The following CELF2 variants were observed in gnomAD, a reference collection of about 807,000 sequenced individuals.
The protein encoded by CELF2 is CUG triplet repeat RNA-binding protein 2.
In CELF2, 8 loss-of-function variants were observed where a neutral mutation model predicts 62.6. The observed-to-expected ratio is 0.13, with a 90% confidence interval of 0.07 to 0.23. The LOEUF is 0.23. Ranked by LOEUF, CELF2 falls within the 10% of genes least tolerant of loss-of-function variation. CELF2 has a pLI of 1.00. For missense variants in CELF2, 333 were observed against 671.0 expected (o/e 0.50, Z 5.56); for synonymous variants, 258 against 250.0 (o/e 1.03, Z -0.30).
Position 11,335,276 on chromosome 10 carries a change from A to C in CELF2, c.*6223A>C, listed in dbSNP as rs1050692268. Reference sequence around the variant, plus strand: ...TCTGCTCAGGAATCTGATTGCTCTTAAAGTGCTCTTACAAGATTCCGTCGA... The same window carrying C: ...TCTGCTCAGGAATCTGATTGCTCTTCAAGTGCTCTTACAAGATTCCGTCGA... On this transcript the variant is annotated 3_prime_UTR_variant, in exon 13 of 13. Transcript: ENST00000633077. The surrounding 1 kb of genome is among the most constrained non-coding windows in gnomAD (Gnocchi z 5.0). 1 of 152,324 alleles carries C rather than the reference A, an allele frequency of 6.6e-6. No individual in the cohort carries two copies. The highest frequency in any genetic ancestry group is 1.5e-5 in the Non-Finnish European group (1 of 68,096). The allele number at this position is 152,324 out of a possible 1,614,324, so 9.4% of individuals were successfully genotyped here.
chr10:11,049,731 G>A (rs1594052179), intron 1 of CELF2, among the ~76,000 whole-genome samples: 1 of 152,084 alleles, frequency 6.6e-6, no homozygotes, highest in Non-Finnish European at 1.5e-5. Flanking sequence ...CCTCCTTGTA[G>A]TGGTTATTTT....
intron 1 of CELF2, among the ~76,000 whole-genome samples, chr10:10,891,711 C>A (rs953128779): frequency 6.6e-6 from 1 of 152,188 alleles, no homozygotes; most frequent in Non-Finnish European, 1.5e-5. Context: ...GCTGCACGGG[C>A]AGACTGGATG....
chr10:10,739,266 C>A, the CELF2 span, among the ~76,000 whole-genome samples: 1 of 151,984 alleles, frequency 6.6e-6, no homozygotes, highest in Non-Finnish European at 1.5e-5. Flanking sequence ...GGTTTTTATG[C>A]TTATTTTATA....
At chr10:11,245,033 TCTC>T (rs2075193982) in intron 3 of CELF2, among the ~76,000 whole-genome samples, 1 of 152,184 alleles carries the variant, frequency 6.6e-6, no homozygotes, top group Non-Finnish European at 1.5e-5. Flanking sequence ...GAGAACCCCT[TCTC>T]ATCCTCCTCT....
chr10:10,603,639 A>T, the CELF2 span, among the ~76,000 whole-genome samples: 2 of 152,204 alleles, frequency 1.3e-5, no homozygotes, highest in African/African-American at 2.4e-5. Flanking sequence ...TAAAAAATTC[A>T]TTCTCTCTCT....
rs1309059796 is a variant in CELF2, at chr10:11,117,382, T to C, written c.75-48104T>C. Among the ~76,000 whole-genome samples, 2 of 152,182 alleles carry C rather than the reference T, an allele frequency of 1.3e-5. No homozygotes were observed. Among genetic ancestry groups the C allele is most frequent in the African/African-American group, 4.8e-5 (2 of 41,438 alleles). ...TCACAAAAGTCAAAATGTTTTGCCCTGTAGAAATTGGTTAGGTATCATTCG... is the reference window on the plus strand; with the variant it reads ...TCACAAAAGTCAAAATGTTTTGCCCCGTAGAAATTGGTTAGGTATCATTCG... On this transcript the variant is annotated intron_variant, in intron 1 of 12. Transcript: ENST00000633077. This position sits in a 1 kb window ranked among gnomAD's most constrained non-coding sequence, Gnocchi z 4.1.
chr10:10,545,454 G>A, the CELF2 span, among the ~76,000 whole-genome samples: 12 of 152,228 alleles, frequency 7.9e-5, no homozygotes, highest in African/African-American at 2.4e-4. Flanking sequence ...ATGACACCAC[G>A]TACATTTCTC....
At chr10:10,488,010 T>C in the CELF2 span, among the ~76,000 whole-genome samples, 3 of 152,040 alleles carry the variant, frequency 2.0e-5, no homozygotes, top group African/African-American at 4.8e-5. Context: ...TGAAAGCCAA[T>C]ATATTATTAA....
Position 10,957,728 on chromosome 10 carries a change from G to A in CELF2, c.89+37729G>A, listed in dbSNP as rs889903554. ...ATGTCTTCAAAAGAGTTGGTAGCTGGTGAACAGAAACTGGTTTGAAAGTCA... is the reference window on the plus strand; with the variant it reads ...ATGTCTTCAAAAGAGTTGGTAGCTGATGAACAGAAACTGGTTTGAAAGTCA... On this transcript the variant is annotated intron_variant, in intron 2 of 13. Transcript: ENST00000636488. The surrounding 1 kb of genome is among the most constrained non-coding windows in gnomAD (Gnocchi z 4.1). Among the ~76,000 whole-genome samples, 9 of 152,262 alleles carry A rather than the reference G, an allele frequency of 5.9e-5. No individual in the cohort carries two copies. In the South Asian group the frequency reaches 1.9e-3, roughly 32 times the overall value.
intron 2 of CELF2, among the ~76,000 whole-genome samples, chr10:11,174,228 A>G (rs983974549): frequency 2.0e-5 from 3 of 152,066 alleles, no homozygotes; most frequent in African/African-American, 7.2e-5. Flanking sequence ...CTGTACAGGA[A>G]TTTGTCAAAG....
chr10:10,566,513 A>C, the CELF2 span, among the ~76,000 whole-genome samples: 1 of 149,834 alleles, frequency 6.7e-6, no homozygotes, highest in East Asian at 2.0e-4. Context: ...GGTGCACTGC[A>C]CCCACTAACT....
chr10:10,586,396 A>C, the CELF2 span, among the ~76,000 whole-genome samples: 9 of 152,308 alleles, frequency 5.9e-5, no homozygotes, highest in South Asian at 1.9e-3. Flanking sequence ...CTTGGGTGAA[A>C]TCAAGATGTT....
chr10:10,535,530 C>T, the CELF2 span, among the ~76,000 whole-genome samples: 2 of 152,006 alleles, frequency 1.3e-5, no homozygotes, highest in Non-Finnish European at 2.9e-5. Context: ...CCACCCTGGC[C>T]AAGATGGTGA....
At position 10,957,014 on chromosome 10, in the gene CELF2, C is replaced by A. The variant is rs751709592; in HGVS notation, c.89+37015C>A. The stretch of plus-strand genomic sequence containing the variant: ...TCAGGTCCTCTTAGAATGAGCCTAA[C>A]GCTGCTTCCTATAACTCCAATGAGT... On this transcript the variant is annotated intron_variant, in intron 2 of 13. Transcript: ENST00000636488. This position sits in a 1 kb window ranked among gnomAD's most constrained non-coding sequence, Gnocchi z 4.1. Among the ~76,000 whole-genome samples the A allele has an allele frequency of 6.6e-6, 1 of 152,080 alleles. No individual in the cohort carries two copies. Among genetic ancestry groups the A allele is most frequent in the Non-Finnish European group, 1.5e-5 (1 of 68,020 alleles).
the CELF2 span, among the ~76,000 whole-genome samples, chr10:10,669,898 C>T: frequency 1.6e-4 from 17 of 107,076 alleles, no homozygotes; most frequent in South Asian, 6.9e-4. Context: ...CTCTTATATG[C>T]CTTTTTTTTT....
intron 1 of CELF2, among the ~76,000 whole-genome samples, chr10:11,158,934 G>A (rs1346706065): frequency 6.6e-6 from 1 of 152,174 alleles, no homozygotes; most frequent in Non-Finnish European, 1.5e-5. Context: ...CAAAGTGCAG[G>A]ATTGATCATA....
chr10:11,257,592 A>T (rs952470391), intron 4 of CELF2, 146 bp from the exon 5 acceptor site: 2 of 755,718 alleles, frequency 2.6e-6, no homozygotes, highest in Non-Finnish European at 4.2e-6. Context: ...TGGAGGGAGG[A>T]GGACAGCTGG....
chr10:10,848,787 A>G (rs1263324058), intron 1 of CELF2, among the ~76,000 whole-genome samples: 1 of 152,152 alleles, frequency 6.6e-6, no homozygotes, highest in Non-Finnish European at 1.5e-5. Flanking sequence ...GAGTTTCTTC[A>G]ACCATCTAGA....
At chr10:11,036,332 ATTAC>A (rs1443945441) in intron 1 of CELF2, among the ~76,000 whole-genome samples, 2 of 152,202 alleles carry the variant, frequency 1.3e-5, no homozygotes, top group Non-Finnish European at 2.9e-5. Flanking sequence ...ACTGAATTTA[ATTAC>A]TTTGCTTCCA....
Sources: allele counts gnomAD v4.1 joint callset (sites outside exome capture counted in the v4.1 genomes callset), GRCh38; gene constraint gnomAD v4.1.1; non-coding constraint Gnocchi (gnomAD v3.1); transcripts MANE v1.5; gene names NCBI Gene and HGNC (gene_info 2026-07-23, HGNC 2026-07-21).